PRKN: variants seen among roughly 807,000 people sequenced by gnomAD.
The protein encoded by PRKN is parkin RBR E3 ubiquitin protein ligase.
Under a neutral mutation model 59.5 loss-of-function variants are expected in PRKN, and 56 were observed. That is an observed-to-expected ratio of 0.94 (90% confidence interval 0.76 to 1.18). The LOEUF (loss-of-function observed/expected upper bound fraction) is 1.18. PRKN is among the 50% of genes most tolerant of loss of function. The pLI, the probability that PRKN is intolerant of heterozygous loss-of-function variation, is 0.00. For missense variants in PRKN, 657 were observed against 596.4 expected, an observed-to-expected ratio of 1.10 and a Z score of -1.06; for synonymous variants, 250 against 222.1, an observed-to-expected ratio of 1.13 and a Z score of -1.12.
At chr6:162,171,038 G>T (rs1783247542) in intron 4 of PRKN, among the ~76,000 whole-genome samples, 1 of 151,940 alleles carries the variant, frequency 6.6e-6, no homozygotes, top group South Asian at 2.1e-4. Context: ...AGATTTTCAT[G>T]ATATACTAAG....
intron 1 of PRKN, among the ~76,000 whole-genome samples, chr6:162,600,706 C>A (rs2846541): frequency 6.6e-6 from 1 of 152,074 alleles, no homozygotes; most frequent in Non-Finnish European, 1.5e-5. Context: ...GTTCTCATGA[C>A]AGTGAGTGAG....
chr6:162,292,099 G>A lies in PRKN; in HGVS notation c.172-29334C>T, dbSNP rs1781459096. 3.3e-5 allele frequency among the ~76,000 whole-genome samples: 5 copies of A among 151,830 alleles called. No individual in the cohort carries two copies. The South Asian group carries it at 1.0e-3, about 32-fold the overall frequency. ...CTGCCTCAGCCTCCTGAGTAACTGG[G>A]ACTACAGTTGCCTGCCACCACACCT... On this transcript the variant is annotated intron_variant, in intron 2 of 11. Coordinates refer to ENST00000366898, the MANE Select transcript of PRKN (RefSeq NM_004562.3).
intron 3 of PRKN, among the ~76,000 whole-genome samples, chr6:162,257,046 T>C (rs142237556): frequency 2.2e-4 from 34 of 152,314 alleles, no homozygotes; most frequent in African/African-American, 6.7e-4. Context: ...AAGCACAAGG[T>C]AGACGGGGCC....
intron 6 of PRKN, among the ~76,000 whole-genome samples, chr6:161,892,947 A>C (rs1315506704): frequency 6.6e-6 from 1 of 152,150 alleles, no homozygotes; most frequent in African/African-American, 2.4e-5. Context: ...GGTTTAACCA[A>C]TTCTCCTGCC....
intron 6 of PRKN, among the ~76,000 whole-genome samples, chr6:161,931,184 C>T (rs1379846942): frequency 6.6e-6 from 1 of 152,072 alleles, no homozygotes; most frequent in Non-Finnish European, 1.5e-5. Flanking sequence ...GCCTGTAATC[C>T]CAGCACTTTG....
intron 7 of PRKN, among the ~76,000 whole-genome samples, chr6:161,594,359 G>A (rs1023608344): frequency 6.6e-6 from 1 of 152,156 alleles, no homozygotes; most frequent in Non-Finnish European, 1.5e-5. Context: ...GAGAAGGAAG[G>A]AAAGAAAGAG....
At chr6:162,574,917 T>G (rs1273835269) in intron 1 of PRKN, among the ~76,000 whole-genome samples, 1 of 109,348 alleles carries the variant, frequency 9.1e-6, no homozygotes, top group Non-Finnish European at 1.9e-5. Context: ...AACAGTGTAG[T>G]TGAGTTTTCC....
At chr6:162,021,135 T>A (rs1391468655) in intron 5 of PRKN, among the ~76,000 whole-genome samples, 72 of 4,874 alleles carry the variant, frequency 0.015, 5 homozygotes, top group African/African-American at 0.11. Context: ...TATATATATA[T>A]ATATATATAT....
chr6:161,867,751 T>G (rs893264248), intron 6 of PRKN, among the ~76,000 whole-genome samples: 60 of 141,286 alleles, frequency 4.2e-4, no homozygotes, highest in African/African-American at 1.8e-3. Context: ...ATTTATTTAT[T>G]TATTTATTTA....
rs554393944 is a variant in PRKN, at chr6:161,983,915, A to T, written c.619-10498T>A. On this transcript the variant is annotated intron_variant, in intron 5 of 11. Transcript: ENST00000366898. ...AAAACTTAGAGTATAATAAAAAAAA[A>T]AAAAATAAAATAAAAGGTTTGCAGT... Among the ~76,000 whole-genome samples the T allele has an allele frequency of 5.8e-4, 73 of 125,628 alleles. 1 individual carries two copies. Among genetic ancestry groups the T allele is most frequent in the Non-Finnish European group, 1.0e-3 (58 of 58,084 alleles). The allele number at this position is 125,628 out of a possible 152,430, so 82.4% of individuals were successfully genotyped here. A position where few individuals can be genotyped will look rare whatever the true frequency, so the allele number is the denominator to read the frequency against.
chr6:161,429,691 G>A lies in PRKN; in HGVS notation c.1084-42814C>T, dbSNP rs942778881. 4.6e-5 allele frequency among the ~76,000 whole-genome samples: 7 copies of A among 152,160 alleles called. No homozygotes were observed. Among genetic ancestry groups the A allele is most frequent in the Non-Finnish European group, 8.8e-5 (6 of 68,034 alleles). ...AAGAGGAATCCAGAAGTTCCAGTCC[G>A]AGGGTGTGTGGGAGGAGGGTGAGTT... On this transcript the variant is annotated intron_variant, in intron 9 of 11. Transcript: ENST00000366898. The surrounding 1 kb of genome is among the most constrained non-coding windows in gnomAD (Gnocchi z 4.2).
At chr6:162,487,255 G>T (rs1775809000) in intron 1 of PRKN, among the ~76,000 whole-genome samples, 1 of 152,134 alleles carries the variant, frequency 6.6e-6, no homozygotes, top group African/African-American at 2.4e-5. Flanking sequence ...TTATGGAGTG[G>T]TTGTTAGTTG....
intron 7 of PRKN, among the ~76,000 whole-genome samples, chr6:161,709,459 T>C (rs923112203): frequency 2.0e-4 from 31 of 152,336 alleles, no homozygotes; most frequent in African/African-American, 7.2e-4. Flanking sequence ...ACACATACTT[T>C]GTAAAGTACC....
At chr6:162,581,816 G>A (rs999923143) in intron 1 of PRKN, among the ~76,000 whole-genome samples, 4 of 152,066 alleles carry the variant, frequency 2.6e-5, no homozygotes, top group African/African-American at 9.7e-5. Flanking sequence ...AATAGAGTTA[G>A]GTAAAGTAAA....
chr6:161,360,058 A>G lies in PRKN; in HGVS notation c.1285+30T>C, dbSNP rs1784913839. On this transcript the variant is annotated intron_variant, in intron 11 of 11. Coordinates refer to ENST00000366898, the MANE Select transcript of PRKN (RefSeq NM_004562.3). The surrounding 1 kb of genome is among the most constrained non-coding windows in gnomAD (Gnocchi z 5.1). ...GATTCTCCCCCAAAGAGCACACGACATCCTCATTCTCTGCTCAGCACAGAC... is the reference window on the plus strand; with the variant it reads ...GATTCTCCCCCAAAGAGCACACGACGTCCTCATTCTCTGCTCAGCACAGAC... 6.8e-7 allele frequency: 1 copy of G among 1,466,878 alleles called. No individual in the cohort carries two copies. Among genetic ancestry groups the G allele is most frequent in the African/African-American group, 1.4e-5 (1 of 72,224 alleles). The allele number at this position is 1,466,878 out of a possible 1,614,324, so 90.9% of individuals were successfully genotyped here. A position where few individuals can be genotyped will look rare whatever the true frequency, so the allele number is the denominator to read the frequency against.
At chr6:161,926,118 G>A (rs889930185) in intron 6 of PRKN, among the ~76,000 whole-genome samples, 5 of 152,094 alleles carry the variant, frequency 3.3e-5, no homozygotes, top group African/African-American at 9.7e-5. Context: ...TGAAAGTTAC[G>A]GAGAGTCTAC....
At chr6:162,234,709 C>CAA (rs1260848058) in intron 3 of PRKN, among the ~76,000 whole-genome samples, 5 of 151,954 alleles carry the variant, frequency 3.3e-5, no homozygotes, top group Non-Finnish European at 5.9e-5. Context: ...ACTGCTTTTC[C>CAA]ACCAAGTATT....
At chr6:161,757,730 C>CG (rs1562659999) in intron 7 of PRKN, among the ~76,000 whole-genome samples, 1 of 151,178 alleles carries the variant, frequency 6.6e-6, no homozygotes, top group Non-Finnish European at 1.5e-5. Flanking sequence ...CCCAGCTACT[C>CG]GGGGGGCTGA....
At chr6:161,779,420 TTC>T (rs1203059343) in intron 7 of PRKN, among the ~76,000 whole-genome samples, 7 of 134,784 alleles carry the variant, frequency 5.2e-5, no homozygotes, top group Non-Finnish European at 9.4e-5. Context: ...TTTCTTTTTT[TTC>T]TCTTTTTCTT....
Sources: allele counts gnomAD v4.1 joint callset (sites outside exome capture counted in the v4.1 genomes callset), GRCh38; gene constraint gnomAD v4.1.1; non-coding constraint Gnocchi (gnomAD v3.1); transcripts MANE v1.5; gene names NCBI Gene and HGNC (gene_info 2026-07-23, HGNC 2026-07-21).